The following IGSF10 variants were observed in gnomAD, a reference collection of about 807,000 sequenced individuals.
IGSF10 encodes the protein immunoglobulin superfamily member 10, also known as calvaria mechanical force protein 608.
IGSF10 carries 126 observed loss-of-function variants against 128.2 expected under a neutral mutation model. That is an observed-to-expected ratio of 0.98 (90% confidence interval 0.85 to 1.14). The LOEUF (loss-of-function observed/expected upper bound fraction) is 1.14. IGSF10 is among the 50% of genes most tolerant of loss of function. The pLI is 0.00. For synonymous variants in IGSF10, 1,185 were observed against 1,146.2 expected (o/e 1.03, Z -0.68); for missense variants, 3,295 against 3,149.8 (o/e 1.05, Z -1.10).
At chr3:151,570,584 T>C in the IGSF10 span, among the ~76,000 whole-genome samples, 1 of 152,232 alleles carries the variant, frequency 6.6e-6, no homozygotes. Flanking sequence ...ATGGGGTTGT[T>C]TGATCTTTTC....
At chr3:151,583,517 A>C in the IGSF10 span, among the ~76,000 whole-genome samples, 1 of 152,242 alleles carries the variant, frequency 6.6e-6, no homozygotes, top group Non-Finnish European at 1.5e-5. Context: ...ATAGGTGGGA[A>C]TTGAGCAATG....
the IGSF10 span, among the ~76,000 whole-genome samples, chr3:151,481,500 T>A: frequency 6.6e-6 from 1 of 152,260 alleles, no homozygotes; most frequent in East Asian, 1.9e-4. Flanking sequence ...AGGCTAGTGC[T>A]GTACCCTACC....
At chr3:151,481,320 T>A in the IGSF10 span, among the ~76,000 whole-genome samples, 8 of 152,174 alleles carry the variant, frequency 5.3e-5, no homozygotes, top group African/African-American at 1.9e-4. Flanking sequence ...AGGGGTATCA[T>A]CACTGTGTTG....
the IGSF10 span, among the ~76,000 whole-genome samples, chr3:151,561,451 T>G: frequency 6.6e-5 from 10 of 152,188 alleles, no homozygotes; most frequent in Admixed American, 6.5e-5. Flanking sequence ...CAGGTTCATC[T>G]GTACAAAGAG....
At chr3:151,442,323 A>G (rs1448173424) in intron 7 of IGSF10, among the ~76,000 whole-genome samples, 8 of 152,000 alleles carry the variant, frequency 5.3e-5, no homozygotes, top group Admixed American at 5.2e-4. Context: ...ACTGCATCAT[A>G]AAAATTCCCT....
Position 151,438,649 on chromosome 3 carries a change from A to G in IGSF10, c.5964-52T>C, listed in dbSNP as rs752390474. ...TGTGCAGCTGTTAGCAATGAGGGAA[A>G]CTGTTTTACTCAGGATTGCCTCCCT... On this transcript the variant is annotated intron_variant, in intron 7 of 7. Transcript: ENST00000282466. The G allele has an allele frequency of 1.7e-5, 24 of 1,431,072 alleles. No homozygotes were observed. The Admixed American group carries it at 4.7e-4, about 28-fold the overall frequency. 88.6% of individuals were successfully genotyped at this position (1,431,072 alleles called of 1,614,324 possible). A position where few individuals can be genotyped will look rare whatever the true frequency, so the allele number is the denominator to read the frequency against.
At chr3:151,551,567 T>C in the IGSF10 span, among the ~76,000 whole-genome samples, 4 of 151,974 alleles carry the variant, frequency 2.6e-5, no homozygotes, top group Non-Finnish European at 5.9e-5. Context: ...CAACTGCACT[T>C]TAATTTGAGG....
chr3:151,439,324 C>A (rs1436926826), intron 7 of IGSF10, among the ~76,000 whole-genome samples: 18 of 152,188 alleles, frequency 1.2e-4, no homozygotes, highest in Non-Finnish European at 2.9e-5. Context: ...TTAGAAAATT[C>A]TACTTTGGCT....
At chr3:151,562,934 C>T in the IGSF10 span, among the ~76,000 whole-genome samples, 1 of 152,088 alleles carries the variant, frequency 6.6e-6, no homozygotes, top group Non-Finnish European at 1.5e-5. Context: ...TTAACCCCCT[C>T]CACCTAGCAA....
At chr3:151,564,881 C>G in the IGSF10 span, among the ~76,000 whole-genome samples, 2 of 152,234 alleles carry the variant, frequency 1.3e-5, no homozygotes, top group South Asian at 4.1e-4. Context: ...AAGTAAGAAT[C>G]ATGGTAATGG....
chr3:151,453,619 C>A lies in IGSF10; in HGVS notation c.480G>T (p.Leu160Phe). 6.2e-7 allele frequency: 1 copy of A among 1,613,980 alleles called. No homozygotes were observed. The highest frequency in any genetic ancestry group is 8.5e-7 in the Non-Finnish European group (1 of 1,179,934). The change falls in exon 5 of 8, where the codon TTG becomes TTT. Residue 160 changes from leucine to phenylalanine, a missense_variant. Transcript: ENST00000282466. ...GGAGCTTAGTGAGCTGATTTCCTTC[C>A]AAGTGCACCAGGCGGAGAAAGTTGA... ...YGLNFLRLVHLEGNQLTKLHP... is the reference protein window; with the variant it reads ...YGLNFLRLVHFEGNQLTKLHP...
At chr3:151,506,347 G>A in the IGSF10 span, among the ~76,000 whole-genome samples, 2 of 152,030 alleles carry the variant, frequency 1.3e-5, no homozygotes, top group African/African-American at 4.8e-5. Context: ...CAATTACCCT[G>A]AACTCCGTAA....
At chr3:151,578,923 A>G in the IGSF10 span, among the ~76,000 whole-genome samples, 1 of 152,190 alleles carries the variant, frequency 6.6e-6, no homozygotes, top group African/African-American at 2.4e-5. Context: ...GACTGAGGAT[A>G]AAGAAAGAAA....
chr3:151,530,362 A>T, the IGSF10 span, among the ~76,000 whole-genome samples: 16 of 152,280 alleles, frequency 1.1e-4, no homozygotes, highest in Admixed American at 8.5e-4. Flanking sequence ...AAATACAGAG[A>T]ACACCACAAA....
the IGSF10 span, among the ~76,000 whole-genome samples, chr3:151,519,991 A>C: frequency 1.3e-5 from 2 of 151,850 alleles, no homozygotes; most frequent in Admixed American, 1.3e-4. Context: ...AAAGTCCTAA[A>C]GAGTATAAAG....
the IGSF10 span, among the ~76,000 whole-genome samples, chr3:151,558,952 C>G: frequency 1.3e-5 from 2 of 151,992 alleles, no homozygotes; most frequent in South Asian, 4.1e-4. Flanking sequence ...AATGCTGAAG[C>G]CAAAGTTGGC....
chr3:151,593,240 G>A, the IGSF10 span, among the ~76,000 whole-genome samples: 1 of 151,936 alleles, frequency 6.6e-6, no homozygotes, highest in African/African-American at 2.4e-5. Context: ...AGCCTTCTGA[G>A]TAGCTGGGAA....
the IGSF10 span, among the ~76,000 whole-genome samples, chr3:151,601,065 A>G: frequency 6.6e-6 from 1 of 151,924 alleles, no homozygotes; most frequent in African/African-American, 2.4e-5. Flanking sequence ...GTGTTGATCA[A>G]AGGTTTTGAT....
At chr3:151,512,874 T>C in the IGSF10 span, among the ~76,000 whole-genome samples, 2 of 152,092 alleles carry the variant, frequency 1.3e-5, no homozygotes, top group Non-Finnish European at 2.9e-5. Flanking sequence ...AAGAAATGGA[T>C]AAATTCCTCG....
Sources: gnomAD v4.1 joint callset for allele counts (sites outside exome capture counted in the v4.1 genomes callset) on GRCh38, gnomAD v4.1.1 for gene constraint, MANE v1.5 for transcripts, NCBI Gene and HGNC (gene_info 2026-07-23, HGNC 2026-07-21) for gene names.